The following MAP3K13 variants were observed in gnomAD, a reference collection of about 807,000 sequenced individuals.
MAP3K13 encodes the protein mitogen-activated protein kinase kinase kinase 13.
In MAP3K13, 52 loss-of-function variants were observed where a neutral mutation model predicts 104.0. The observed-to-expected ratio is 0.50, with a 90% CI of 0.40 to 0.63. The LOEUF is 0.63. MAP3K13 is among the 20% of genes least tolerant of loss of function. MAP3K13 has a pLI of 0.00. For synonymous variants in MAP3K13, 394 were observed against 442.2 expected, an observed-to-expected ratio of 0.89 and a Z score of 1.37; for missense variants, 914 against 1,218.5, an observed-to-expected ratio of 0.75 and a Z score of 3.72.
At chr3:185,296,839 T>A (rs1720932735) in intron 2 of MAP3K13, among the ~76,000 whole-genome samples, 1 of 152,240 alleles carries the variant, frequency 6.6e-6, no homozygotes, top group Admixed American at 6.5e-5. Flanking sequence ...TAAATTTATT[T>A]ATATCCTGCC....
rs148843074 is a variant in MAP3K13, at chr3:185,393,000, C to T, written c.-86+29632C>T. On this transcript the variant is annotated intron_variant, in intron 1 of 13. Transcript: ENST00000265026. ...TCAGTAGATGGAGGTTGCAGTGAGC[C>T]GAGATCACGCCACTGCACTCCAGCC... 4.0e-3 allele frequency among the ~76,000 whole-genome samples: 601 copies of T among 151,818 alleles called. 4 individuals carry two copies. The highest frequency in any genetic ancestry group is 0.014 in the African/African-American group (571 of 41,378).
At chr3:185,350,451 C>T (rs980829882) in intron 2 of MAP3K13, among the ~76,000 whole-genome samples, 6 of 152,216 alleles carry the variant, frequency 3.9e-5, no homozygotes, top group Admixed American at 6.5e-5. Flanking sequence ...CATCCCAAAG[C>T]GCTGGGATTA....
In MAP3K13 at chr3:185,487,614, T is replaced by C. The variant is rs1479384973; in HGVS notation, c.*5158T>C. ...TTTCCTTTTCTTAAAACAGTCCCAC[T>C]TGAACTTCCTGGAACTGAATTCTCC... On this transcript the variant is annotated 3_prime_UTR_variant, in exon 14 of 14. Transcript: ENST00000265026. The C allele has an allele frequency of 6.6e-6, 1 of 152,146 alleles. No individual in the cohort carries two copies. Among genetic ancestry groups the C allele is most frequent in the Non-Finnish European group, 1.5e-5 (1 of 68,024 alleles). The allele number at this position is 152,146 out of a possible 1,614,324, so 9.4% of individuals were successfully genotyped here.
chr3:185,308,003 T>TGG (rs1450634597), intron 2 of MAP3K13, among the ~76,000 whole-genome samples: 2 of 130,350 alleles, frequency 1.5e-5, no homozygotes, highest in African/African-American at 5.5e-5. Context: ...TTCATTTCTT[T>TGG]GGGGTCTTTT....
chr3:185,312,875 A>G (rs1434199423), intron 2 of MAP3K13, among the ~76,000 whole-genome samples: 2 of 152,196 alleles, frequency 1.3e-5, no homozygotes, highest in Non-Finnish European at 2.9e-5. Flanking sequence ...GATGAATATA[A>G]AATTCTAACA....
At chr3:185,299,928 ATTG>A (rs1721042031) in intron 2 of MAP3K13, among the ~76,000 whole-genome samples, 1 of 152,130 alleles carries the variant, frequency 6.6e-6, no homozygotes, top group South Asian at 2.1e-4. Context: ...CGGTATATAT[ATTG>A]TTGTGAAACA....
chr3:185,479,638 A>G (rs904793582), intron 12 of MAP3K13, among the ~76,000 whole-genome samples: 1 of 152,212 alleles, frequency 6.6e-6, no homozygotes, highest in Non-Finnish European at 1.5e-5. Flanking sequence ...ATATAAACCA[A>G]ATGAAAGGGG....
At chr3:185,440,325 C>T (rs1560107558) in intron 3 of MAP3K13, among the ~76,000 whole-genome samples, 1 of 152,004 alleles carries the variant, frequency 6.6e-6, no homozygotes, top group Non-Finnish European at 1.5e-5. Context: ...ATAAAAGGTG[C>T]GTAAGATCAC....
intron 1 of MAP3K13, among the ~76,000 whole-genome samples, chr3:185,385,736 C>T (rs1244161460): frequency 6.6e-6 from 1 of 151,944 alleles, no homozygotes; most frequent in Non-Finnish European, 1.5e-5. Context: ...GGTGTGGTGG[C>T]TCACGCCTAT....
At chr3:185,419,881 A>G (rs1465794244) in intron 1 of MAP3K13, among the ~76,000 whole-genome samples, 2 of 152,158 alleles carry the variant, frequency 1.3e-5, no homozygotes, top group Non-Finnish European at 2.9e-5. Flanking sequence ...TTCTTGATAA[A>G]TTTATAGACT....
intron 1 of MAP3K13, among the ~76,000 whole-genome samples, chr3:185,380,711 T>TA (rs1317389883): frequency 3.9e-5 from 6 of 152,214 alleles, no homozygotes; most frequent in East Asian, 1.9e-4. Context: ...CAGATTTTGC[T>TA]AAAAAAACAA....
At chr3:185,330,291 A>G (rs1440490550) in intron 2 of MAP3K13, among the ~76,000 whole-genome samples, 4 of 151,734 alleles carry the variant, frequency 2.6e-5, no homozygotes, top group South Asian at 2.1e-4. Context: ...CTCTGTCTTC[A>G]TCTCAGACCT....
chr3:185,339,273 C>T (rs764818145), intron 2 of MAP3K13, among the ~76,000 whole-genome samples: 111 of 152,212 alleles, frequency 7.3e-4, no homozygotes, highest in Non-Finnish European at 1.3e-3. Context: ...GAGATGAGAT[C>T]GTGCCACTGC....
chr3:185,382,196 G>T (rs1487057910), intron 1 of MAP3K13, among the ~76,000 whole-genome samples: 2 of 149,720 alleles, frequency 1.3e-5, no homozygotes, highest in African/African-American at 2.5e-5. Context: ...TTATAAATTA[G>T]GAATAGTAAG....
chr3:185,369,824 T>C, intron 1 of MAP3K13, among the ~76,000 whole-genome samples: 1 of 152,214 alleles, frequency 6.6e-6, no homozygotes, highest in Non-Finnish European at 1.5e-5. Context: ...GCCTTCTTTA[T>C]CTAGAAGATT....
chr3:185,326,673 A>C (rs1024228579), intron 2 of MAP3K13, among the ~76,000 whole-genome samples: 1 of 152,128 alleles, frequency 6.6e-6, no homozygotes, highest in African/African-American at 2.4e-5. Context: ...ACCAGGATTC[A>C]CACTTGGGAA....
intron 2 of MAP3K13, among the ~76,000 whole-genome samples, chr3:185,327,570 T>C (rs772456487): frequency 1.3e-5 from 2 of 152,190 alleles, no homozygotes; most frequent in Non-Finnish European, 2.9e-5. Flanking sequence ...ATAAAGTGAT[T>C]AGTGCAGTAA....
chr3:185,466,736 G>C (rs1717455720), intron 9 of MAP3K13, 90 bp from the exon 10 acceptor site: 1 of 1,448,244 alleles, frequency 6.9e-7, no homozygotes, highest in East Asian at 2.3e-5. Context: ...AAATGTGGCA[G>C]AATCTGTGGT....
chr3:185,349,213 A>G (rs1361619015), intron 2 of MAP3K13, among the ~76,000 whole-genome samples: 2 of 151,418 alleles, frequency 1.3e-5, no homozygotes, highest in Non-Finnish European at 2.9e-5. Context: ...TTGGGCTTCT[A>G]TTGAACCCAT....
Sources: allele counts gnomAD v4.1 joint callset (sites outside exome capture counted in the v4.1 genomes callset), GRCh38; gene constraint gnomAD v4.1.1; transcripts MANE v1.5; gene names NCBI Gene and HGNC (gene_info 2026-07-23, HGNC 2026-07-21).